The following MCTP1 variants were observed in gnomAD, a reference collection of about 807,000 sequenced individuals.
The protein encoded by MCTP1 is multiple C2 and transmembrane domain-containing protein 1.
MCTP1 carries 69 observed loss-of-function variants against 120.6 expected under a neutral mutation model. That is an observed-to-expected ratio of 0.57 (90% confidence interval 0.47 to 0.70). The LOEUF (loss-of-function observed/expected upper bound fraction) is 0.70. MCTP1 is among the 30% of genes least tolerant of loss of function. The probability of loss-of-function intolerance (pLI) is 0.00; values close to 1 mark genes in which losing one functional copy is unlikely to be tolerated. For synonymous variants in MCTP1, 529 were observed against 493.1 expected (o/e 1.07, Z -0.96); for missense variants, 1,203 against 1,248.8 (o/e 0.96, Z 0.55).
intron 19 of MCTP1, among the ~76,000 whole-genome samples, chr5:94,777,960 C>T (rs979891431): frequency 1.8e-5 from 2 of 113,132 alleles, no homozygotes; most frequent in South Asian, 2.6e-4. Flanking sequence ...GTGTGTGTTT[C>T]TGTTTTCCTT....
intron 1 of MCTP1, among the ~76,000 whole-genome samples, chr5:95,089,542 T>C (rs1755689069): frequency 1.3e-5 from 2 of 152,208 alleles, no homozygotes; most frequent in African/African-American, 2.4e-5. Context: ...TTATGACTCA[T>C]ATTTTAAATG....
chr5:94,794,493 T>C (rs1453865452), intron 18 of MCTP1, among the ~76,000 whole-genome samples: 2 of 152,190 alleles, frequency 1.3e-5, no homozygotes, highest in Non-Finnish European at 2.9e-5. Flanking sequence ...TGCAAGGCCC[T>C]GGACACTAAG....
At chr5:95,266,393 G>A (rs1758887172) in intron 1 of MCTP1, among the ~76,000 whole-genome samples, 1 of 152,148 alleles carries the variant, frequency 6.6e-6, no homozygotes, top group African/African-American at 2.4e-5. Flanking sequence ...CACAATTCTG[G>A]TTTTGTGTAC....
chr5:94,861,772 T>C (rs159037), intron 17 of MCTP1, among the ~76,000 whole-genome samples: 28,205 of 151,818 alleles, frequency 0.19, 3,153 homozygotes, highest in Non-Finnish European at 0.25. Context: ...CTCTGATTCA[T>C]TATTTAATAA....
chr5:95,216,727 G>A (rs1484016648), intron 1 of MCTP1, among the ~76,000 whole-genome samples: 2 of 152,196 alleles, frequency 1.3e-5, no homozygotes, highest in Non-Finnish European at 2.9e-5. Flanking sequence ...CATACGAAGT[G>A]AGAAATTGCA....
chr5:95,186,096 CA>C (rs1248979548), intron 1 of MCTP1, among the ~76,000 whole-genome samples: 2 of 151,410 alleles, frequency 1.3e-5, no homozygotes, highest in African/African-American at 4.9e-5. Flanking sequence ...TACTCTGTCT[CA>C]AAATAAATAC....
At chr5:94,924,581 T>G (rs1314566229) in intron 6 of MCTP1, among the ~76,000 whole-genome samples, 3 of 152,226 alleles carry the variant, frequency 2.0e-5, no homozygotes, top group Non-Finnish European at 4.4e-5. Context: ...GAGAGTTGGC[T>G]ATTGGACTAA....
chr5:95,275,003 C>CA (rs1167096733), intron 1 of MCTP1, among the ~76,000 whole-genome samples: 2 of 152,120 alleles, frequency 1.3e-5, no homozygotes, highest in African/African-American at 4.8e-5. Context: ...TTCATCTCAC[C>CA]ACTCATTTCT....
At chr5:94,900,538 CT>C (rs1473865834) in intron 10 of MCTP1, among the ~76,000 whole-genome samples, 1 of 152,212 alleles carries the variant, frequency 6.6e-6, no homozygotes, top group East Asian at 1.9e-4. Flanking sequence ...ACTCATTTCA[CT>C]CACTCATTAA....
intron 1 of MCTP1, among the ~76,000 whole-genome samples, chr5:95,113,844 C>T (rs538495521): frequency 6.6e-6 from 1 of 152,264 alleles, no homozygotes; most frequent in South Asian, 2.1e-4. Flanking sequence ...CTCCAGCAAC[C>T]CCAGGCTGCA....
At chr5:94,867,542 G>A (rs1797057468) in intron 17 of MCTP1, 2 of 475,714 alleles carry the variant, frequency 4.2e-6, no homozygotes, top group South Asian at 4.0e-5. Flanking sequence ...GGAAGCATAA[G>A]GTACTCATAT....
intron 2 of MCTP1, among the ~76,000 whole-genome samples, chr5:95,004,181 GT>G (rs1834235574): frequency 1.3e-5 from 2 of 152,154 alleles, no homozygotes; most frequent in Non-Finnish European, 2.9e-5. Context: ...ATAATTTAGG[GT>G]ATCTGGCTGA....
At chr5:94,904,623 T>C (rs1806344580) in intron 10 of MCTP1, among the ~76,000 whole-genome samples, 1 of 152,030 alleles carries the variant, frequency 6.6e-6, no homozygotes, top group Non-Finnish European at 1.5e-5. Flanking sequence ...TTTTATACTT[T>C]AACTAATTCA....
At chr5:95,259,318 G>C (rs1206272987) in intron 1 of MCTP1, among the ~76,000 whole-genome samples, 1 of 152,186 alleles carries the variant, frequency 6.6e-6, no homozygotes, top group Non-Finnish European at 1.5e-5. Context: ...GCCCATGTCA[G>C]ACGAAAGGTG....
intron 17 of MCTP1, among the ~76,000 whole-genome samples, chr5:94,857,784 CT>C (rs1794981415): frequency 6.6e-6 from 1 of 151,698 alleles, no homozygotes; most frequent in Non-Finnish European, 1.5e-5. Flanking sequence ...GTATAGCAAA[CT>C]ATACCTCACA....
intron 18 of MCTP1, 64 bp downstream of exon 18, chr5:94,798,949 G>A (rs1008149208): frequency 2.0e-6 from 3 of 1,530,618 alleles, no homozygotes; most frequent in South Asian, 1.2e-5. Context: ...ATTCAATGTT[G>A]ATCTTGTCAG....
At chr5:95,198,934 C>G (rs10077145) in intron 1 of MCTP1, among the ~76,000 whole-genome samples, 2 of 152,022 alleles carry the variant, frequency 1.3e-5, no homozygotes, top group Non-Finnish European at 2.9e-5. Flanking sequence ...CTCTCTTTTA[C>G]TCTGTATTGA....
In MCTP1 at chr5:94,779,094, T is replaced by C; in HGVS notation, c.2610+16A>G. 6.2e-7 allele frequency: 1 copy of C among 1,610,472 alleles called. No individual in the cohort carries two copies. Among genetic ancestry groups the C allele is most frequent in the East Asian group, 2.2e-5 (1 of 44,854 alleles). The stretch of plus-strand genomic sequence containing the variant: ...TCCCCATCCCCAGGTACCCAAGTGC[T>C]GGGAAAGATAATTACCTTGTCATCT... On this transcript the variant is annotated intron_variant, in intron 19 of 22. Transcript: ENST00000515393.
In MCTP1 at chr5:95,268,887, G is replaced by A. The variant is rs552071169; in HGVS notation, c.720+14969C>T. 3.3e-4 allele frequency among the ~76,000 whole-genome samples: 51 copies of A among 152,296 alleles called. 1 individual carries two copies. In the South Asian group the frequency reaches 8.7e-3, roughly 26 times the overall value. ...TGTCAGTGTATGTCTTTCATCCATC[G>A]CTGGGTCAGGGTCTGTGGGTTGGAC... On this transcript the variant is annotated intron_variant, in intron 1 of 22. Coordinates refer to ENST00000515393, the MANE Select transcript of MCTP1 (RefSeq NM_024717.7).
Sources: allele counts gnomAD v4.1 joint callset (sites outside exome capture counted in the v4.1 genomes callset), GRCh38; gene constraint gnomAD v4.1.1; transcripts MANE v1.5; gene names NCBI Gene and HGNC (gene_info 2026-07-23, HGNC 2026-07-21).